Variants in AGBL4 observed in about 807,000 individuals in gnomAD.
The protein encoded by AGBL4 is cytosolic carboxypeptidase 6.
AGBL4 carries 58 observed loss-of-function variants against 66.4 expected under a neutral mutation model. The observed-to-expected ratio is 0.87, with a 90% CI of 0.71 to 1.09. The LOEUF (loss-of-function observed/expected upper bound fraction) is 1.09. Ranked by LOEUF, AGBL4 falls within the 50% of genes least tolerant of loss-of-function variation. The probability of loss-of-function intolerance (pLI) is 0.00; values close to 1 mark genes in which losing one functional copy is unlikely to be tolerated. For missense variants in AGBL4, 579 were observed against 631.0 expected, an observed-to-expected ratio of 0.92 and a Z score of 0.88; for synonymous variants, 234 against 222.9, an observed-to-expected ratio of 1.05 and a Z score of -0.44.
chr1:49,835,688 A>G (rs1471551026), intron 2 of AGBL4, among the ~76,000 whole-genome samples: 2 of 152,098 alleles, frequency 1.3e-5, no homozygotes, highest in East Asian at 1.9e-4. Flanking sequence ...ACAATTTGGT[A>G]TGTTTTTGCA....
intron 3 of AGBL4, among the ~76,000 whole-genome samples, chr1:49,670,533 AC>A (rs1440395130): frequency 2.6e-5 from 4 of 152,172 alleles, no homozygotes; most frequent in Non-Finnish European, 4.4e-5. Context: ...GAGGGCTGAA[AC>A]ATGCTTGCCA....
chr1:49,078,132 A>G (rs1007096478), intron 4 of AGBL4, among the ~76,000 whole-genome samples: 1 of 151,952 alleles, frequency 6.6e-6, no homozygotes, highest in Non-Finnish European at 1.5e-5. Flanking sequence ...TCTGACCAAT[A>G]CTCTAACCCT....
intron 5 of AGBL4, among the ~76,000 whole-genome samples, chr1:48,891,048 G>A (rs1369058750): frequency 2.0e-5 from 3 of 152,208 alleles, no homozygotes; most frequent in African/African-American, 7.2e-5. Flanking sequence ...GATCAGTCCA[G>A]TAGGATGTGG....
intron 4 of AGBL4, among the ~76,000 whole-genome samples, chr1:49,200,491 GTAC>G (rs965146510): frequency 5.9e-5 from 9 of 152,192 alleles, no homozygotes; most frequent in African/African-American, 1.9e-4. Flanking sequence ...TGAGGGCTCA[GTAC>G]TACAAGACTG....
At chr1:49,330,885 C>T (rs1210131774) in intron 3 of AGBL4, among the ~76,000 whole-genome samples, 1 of 152,036 alleles carries the variant, frequency 6.6e-6, no homozygotes, top group African/African-American at 2.4e-5. Flanking sequence ...TCGAATTAGG[C>T]CTGATCAGGG....
intron 3 of AGBL4, among the ~76,000 whole-genome samples, chr1:49,484,433 A>G (rs1647021194): frequency 6.6e-6 from 1 of 152,106 alleles, no homozygotes; most frequent in African/African-American, 2.4e-5. Context: ...AAAGAATGAG[A>G]TCTTTTCATT....
intron 5 of AGBL4, among the ~76,000 whole-genome samples, chr1:48,952,459 G>C (rs1177342420): frequency 6.6e-6 from 1 of 152,232 alleles, no homozygotes; most frequent in Non-Finnish European, 1.5e-5. Context: ...AAAGTGAGAA[G>C]AATGGAGAGA....
At chr1:49,009,266 T>C (rs1381773442) in intron 5 of AGBL4, among the ~76,000 whole-genome samples, 3 of 152,114 alleles carry the variant, frequency 2.0e-5, no homozygotes, top group African/African-American at 7.2e-5. Flanking sequence ...GCAAATAAAC[T>C]AAAAAATCTA....
At chr1:49,235,675 T>A (rs920377425) in intron 4 of AGBL4, among the ~76,000 whole-genome samples, 2 of 152,192 alleles carry the variant, frequency 1.3e-5, no homozygotes, top group Admixed American at 6.5e-5. Flanking sequence ...CTATCACTTA[T>A]AAGGGGAGCA....
intron 4 of AGBL4, among the ~76,000 whole-genome samples, chr1:49,058,304 A>G (rs1397759254): frequency 1.3e-5 from 2 of 152,150 alleles, no homozygotes; most frequent in African/African-American, 2.4e-5. Context: ...AGGTAATTGA[A>G]TCATGGGGGC....
intron 5 of AGBL4, among the ~76,000 whole-genome samples, chr1:48,967,057 C>G (rs938709274): frequency 8.7e-6 from 1 of 115,452 alleles, no homozygotes; most frequent in Non-Finnish European, 2.0e-5. Context: ...GACACACACA[C>G]ACACATACAC....
At position 49,521,346 on chromosome 1, in the gene AGBL4, C is replaced by T. The variant is rs1372861816; in HGVS notation, c.282+175967G>A. ...GAACAAAGCTGGAGGCATCACATTACAGGACTTCAAACTAAACTATAAGTT... is the reference window on the plus strand; with the variant it reads ...GAACAAAGCTGGAGGCATCACATTATAGGACTTCAAACTAAACTATAAGTT... On this transcript the variant is annotated intron_variant, in intron 3 of 13. Transcript: ENST00000371839. Among the ~76,000 whole-genome samples the T allele has an allele frequency of 1.3e-5, 2 of 152,076 alleles. 1 individual carries two copies. The highest frequency in any genetic ancestry group is 2.9e-5 in the Non-Finnish European group (2 of 68,010).
chr1:49,392,248 T>C (rs886104720), intron 3 of AGBL4, among the ~76,000 whole-genome samples: 2 of 152,218 alleles, frequency 1.3e-5, no homozygotes, highest in Non-Finnish European at 2.9e-5. Context: ...ACGGCTACTA[T>C]ATTAAGCAGC....
chr1:48,892,650 T>C (rs1290333719), intron 5 of AGBL4, among the ~76,000 whole-genome samples: 1 of 152,110 alleles, frequency 6.6e-6, no homozygotes, highest in Non-Finnish European at 1.5e-5. Flanking sequence ...TTGCATTCTT[T>C]TGAGTTTCTG....
chr1:49,777,149 A>G (rs887134782), intron 2 of AGBL4, among the ~76,000 whole-genome samples: 2 of 152,168 alleles, frequency 1.3e-5, no homozygotes, highest in Non-Finnish European at 2.9e-5. Context: ...ATAAAATGTA[A>G]GTTTCCTTTC....
chr1:49,077,319 TC>T lies in AGBL4; in HGVS notation c.378-31520del, dbSNP rs200050562. Among the ~76,000 whole-genome samples, 360 of 152,300 alleles carry T rather than the reference TC, an allele frequency of 2.4e-3. 12 individuals are homozygous for T. The East Asian group carries it at 0.06, about 26-fold the overall frequency. ...TCTCACTAATTCCCATATTGTAGCC[TC>T]CTGAACATGTCTGATTTAAATAACC... On this transcript the variant is annotated intron_variant, in intron 4 of 13. Transcript: ENST00000371839.
intron 3 of AGBL4, among the ~76,000 whole-genome samples, chr1:49,665,889 T>A (rs1187951272): frequency 6.6e-6 from 1 of 151,472 alleles, no homozygotes; most frequent in Non-Finnish European, 1.5e-5. Context: ...GTGCCTACAG[T>A]AGTCAATAAA....
chr1:48,915,353 G>T (rs1653495278), intron 5 of AGBL4, among the ~76,000 whole-genome samples: 1 of 152,134 alleles, frequency 6.6e-6, no homozygotes, highest in Non-Finnish European at 1.5e-5. Flanking sequence ...CACTGTCTTT[G>T]GGAAATTTTT....
chr1:48,960,160 T>C (rs558897107), intron 5 of AGBL4, among the ~76,000 whole-genome samples: 1 of 151,938 alleles, frequency 6.6e-6, no homozygotes, highest in Non-Finnish European at 1.5e-5. Context: ...GATGAAGTGA[T>C]GAGAGTGAAT....
Sources: allele counts gnomAD v4.1 joint callset (sites outside exome capture counted in the v4.1 genomes callset), GRCh38; gene constraint gnomAD v4.1.1; transcripts MANE v1.5; gene names NCBI Gene and HGNC (gene_info 2026-07-23, HGNC 2026-07-21).